Variants in LIPA observed in about 807,000 individuals in gnomAD.
LIPA encodes lipase A, lysosomal acid type.
In LIPA, 26 loss-of-function variants were observed where a neutral mutation model predicts 40.6. The observed-to-expected ratio is 0.64, with a 90% CI of 0.47 to 0.89. The LOEUF (loss-of-function observed/expected upper bound fraction) is 0.89, where lower values mean the gene tolerates loss of function less well. Ranked by LOEUF, LIPA falls within the 40% of genes least tolerant of loss-of-function variation. LIPA has a pLI of 0.00. For missense variants in LIPA, 455 were observed against 479.6 expected, an observed-to-expected ratio of 0.95 and a Z score of 0.48; for synonymous variants, 188 against 168.4, an observed-to-expected ratio of 1.12 and a Z score of -0.90.
At chr10:89,343,961 A>G (rs10159652), upstream of LIPA, among the ~76,000 whole-genome samples, 10,507 of 152,224 alleles carry the variant, frequency 0.069, 906 homozygotes, top group African/African-American at 0.2. Flanking sequence ...TTAATCTTTT[A>G]AAAGTGCCTT....
intron 2 of LIPA, among the ~76,000 whole-genome samples, chr10:89,411,166 A>T (rs1841466412): frequency 6.6e-6 from 1 of 152,122 alleles, no homozygotes; most frequent in African/African-American, 2.4e-5. Context: ...AAAAATCCTT[A>T]CCCAGCAGGT....
chr10:89,388,436 A>G (rs944500078), intron 2 of LIPA, among the ~76,000 whole-genome samples: 5 of 152,298 alleles, frequency 3.3e-5, no homozygotes, highest in African/African-American at 1.2e-4. Context: ...ACTTAGCACC[A>G]TTCTGGAGGT....
At chr10:89,286,591 A>G (rs1843342677) in intron 1 of LIPA, among the ~76,000 whole-genome samples, 1 of 152,156 alleles carries the variant, frequency 6.6e-6, no homozygotes, top group Non-Finnish European at 1.5e-5. Flanking sequence ...TTTTTCATCA[A>G]ATATAAAAAC....
intron 1 of LIPA, among the ~76,000 whole-genome samples, chr10:89,328,875 G>C (rs1414114326): frequency 6.6e-6 from 1 of 152,166 alleles, no homozygotes; most frequent in African/African-American, 2.4e-5. Flanking sequence ...GCTCCCAAAA[G>C]AATCTTTTTA....
At chr10:89,321,769 C>T (rs1475990986) in intron 1 of LIPA, among the ~76,000 whole-genome samples, 3 of 152,086 alleles carry the variant, frequency 2.0e-5, no homozygotes, top group Admixed American at 6.6e-5. Flanking sequence ...CACATGTACA[C>T]GTATGTTTAT....
intron 2 of LIPA, among the ~76,000 whole-genome samples, chr10:89,385,628 G>C (rs1436793654): frequency 6.6e-6 from 1 of 152,196 alleles, no homozygotes; most frequent in African/African-American, 2.4e-5. Flanking sequence ...TTAGAAAGGA[G>C]GGAATTTCAG....
rs1843045446 is a variant in LIPA at position 89,247,615 on chromosome 10, A to G, written c.34T>C (p.Leu12=). The G allele has an allele frequency of 6.2e-7, 1 of 1,612,962 alleles. No individual in the cohort carries two copies. The highest frequency in any genetic ancestry group is 1.3e-5 in the African/African-American group (1 of 74,866). ...KMRFLGLVVC[L]VLWTLHSEGS... ...TCAGAATGCAGGGTCCAGAGAACCA[A>G]ACAGACCACCAACCCCAAGAACCGC... Residue 12 remains leucine, a synonymous_variant, in exon 2 of 10, where the codon TTG becomes CTG. Coordinates refer to ENST00000336233, the MANE Select transcript of LIPA (RefSeq NM_000235.4).
At chr10:89,378,406 A>G (rs944287905) in intron 2 of LIPA, among the ~76,000 whole-genome samples, 1 of 152,156 alleles carries the variant, frequency 6.6e-6, no homozygotes, top group African/African-American at 2.4e-5. Context: ...TTGGTTTACA[A>G]CAGTGGTAAC....
intron 1 of LIPA, among the ~76,000 whole-genome samples, chr10:89,256,795 G>T (rs781617354): frequency 7.2e-5 from 11 of 152,224 alleles, no homozygotes; most frequent in African/African-American, 2.4e-4. Context: ...GTGAGTGAAT[G>T]AATGAAAATA....
intron 8 of LIPA, among the ~76,000 whole-genome samples, chr10:89,216,552 G>T (rs1044340989): frequency 1.3e-5 from 2 of 151,466 alleles, no homozygotes; most frequent in Admixed American, 1.3e-4. Context: ...AAAATATTTG[G>T]AAAAAAACAA....
At chr10:89,337,831 A>T (rs1843769181) in intron 1 of LIPA, among the ~76,000 whole-genome samples, 1 of 152,244 alleles carries the variant, frequency 6.6e-6, no homozygotes, top group African/African-American at 2.4e-5. Flanking sequence ...GTGTCTGCAC[A>T]GACTGTAGCT....
intron 1 of LIPA, among the ~76,000 whole-genome samples, chr10:89,325,755 T>C (rs1349212761): frequency 6.6e-6 from 1 of 152,164 alleles, no homozygotes; most frequent in African/African-American, 2.4e-5. Context: ...ACCTATCATG[T>C]ACTATGCTTA....
At chr10:89,307,084 G>C (rs1026002095) in intron 1 of LIPA, 1 of 1,614,040 alleles carries the variant, frequency 6.2e-7, no homozygotes, top group South Asian at 1.1e-5. Flanking sequence ...TCCATCTGCG[G>C]TATGGCAACT....
intron 1 of LIPA, among the ~76,000 whole-genome samples, chr10:89,270,300 T>C (rs1038214521): frequency 7.9e-5 from 12 of 152,226 alleles, no homozygotes; most frequent in African/African-American, 2.9e-4. Flanking sequence ...CAAAGATTTT[T>C]ACCTGCCAAA....
chr10:89,308,840 T>A lies in LIPA; in HGVS notation c.-2+33771A>T, dbSNP rs117819238. 13 of 152,374 alleles carry A rather than the reference T, an allele frequency of 8.5e-5. No homozygotes were observed. The East Asian group carries it at 2.5e-3, about 29-fold the overall frequency. 9.4% of individuals were successfully genotyped at this position (152,374 alleles called of 1,614,324 possible). ...TATTAAACATCTTGTTGCACGCATTTGAGGTCATCAGGGTGCAAAATTTGT... is the reference window on the plus strand; with the variant it reads ...TATTAAACATCTTGTTGCACGCATTAGAGGTCATCAGGGTGCAAAATTTGT... On this transcript the variant is annotated intron_variant, in intron 1 of 5. Coordinates refer to the LIPA transcript ENST00000282673.
intron 1 of LIPA, chr10:89,307,236 G>C: frequency 6.2e-7 from 1 of 1,613,978 alleles, no homozygotes; most frequent in African/African-American, 1.3e-5. Context: ...TCTAAAAATG[G>C]AGCAGATTCT....
intron 1 of LIPA, chr10:89,306,086 T>C (rs776045396): frequency 8.7e-6 from 14 of 1,613,976 alleles, no homozygotes; most frequent in Admixed American, 1.7e-5. Context: ...CCGGACTGAG[T>C]TTCAGAATCG....
intron 1 of LIPA, among the ~76,000 whole-genome samples, chr10:89,329,857 C>A (rs1407182535): frequency 1.8e-4 from 27 of 151,918 alleles, no homozygotes; most frequent in Non-Finnish European, 1.5e-5. Context: ...TGGGCTGAGT[C>A]CGAAAAGAAA....
chr10:89,339,741 G>A, intron 1 of LIPA: 1 of 1,614,180 alleles, frequency 6.2e-7, no homozygotes, highest in Non-Finnish European at 8.5e-7. Flanking sequence ...AATCCCATCA[G>A]CGCTACTGCA....
Sources: gnomAD v4.1 joint callset for allele counts (sites outside exome capture counted in the v4.1 genomes callset) on GRCh38, gnomAD v4.1.1 for gene constraint, MANE v1.5 for transcripts, NCBI Gene and HGNC (gene_info 2026-07-23, HGNC 2026-07-21) for gene names.